WWOX: variants seen among roughly 807,000 people sequenced by gnomAD.
WWOX encodes the protein WW domain-containing oxidoreductase.
A neutral mutation model predicts 46.2 loss-of-function variants in WWOX; 69 were observed. That is an observed-to-expected ratio of 1.49 (90% CI 1.23 to 1.82). The LOEUF is 1.82. WWOX is among the 40% of genes most tolerant of loss of function. The pLI is 0.00. For missense variants in WWOX, 919 were observed against 542.6 expected (o/e 1.69, Z -6.89); for synonymous variants, 359 against 202.6 (o/e 1.77, Z -6.56).
intron 4 of WWOX, among the ~76,000 whole-genome samples, chr16:78,145,765 C>G (rs2034177807): frequency 6.6e-6 from 1 of 152,226 alleles, no homozygotes; most frequent in East Asian, 1.9e-4. Flanking sequence ...CCAGATTTCC[C>G]CTTTTCATAA....
rs1020558162 is a variant in WWOX at position 78,160,646 on chromosome 16, G to A, written c.410-3537G>A. On this transcript the variant is annotated intron_variant, in intron 4 of 8. Transcript: ENST00000566780. ...TTGATTTGTAATTTAATTCCATTGC[G>A]GTCAAAGAGCATACTTTCTAATTTT... Among the ~76,000 whole-genome samples the A allele has an allele frequency of 4.6e-5, 7 of 152,146 alleles. No homozygotes were observed. The East Asian group carries it at 5.8e-4, about 13-fold the overall frequency.
rs557575073 is a variant in WWOX, at chr16:79,052,008, C to G, written c.1057-159600C>G. Among the ~76,000 whole-genome samples, 7 of 151,110 alleles carry G rather than the reference C, an allele frequency of 4.6e-5. No homozygotes were observed. In the East Asian group the frequency reaches 1.4e-3, roughly 30 times the overall value. ...TTCGTCCTTCCTTTGTTCTCCTCTG[C>G]CTTTGCCTCTTTTTTCTTTTTTTAT... On this transcript the variant is annotated intron_variant, in intron 8 of 8. Coordinates refer to ENST00000566780, the MANE Select transcript of WWOX (RefSeq NM_016373.4).
chr16:78,662,398 G>A (rs1444797184), intron 8 of WWOX, among the ~76,000 whole-genome samples: 2 of 152,064 alleles, frequency 1.3e-5, no homozygotes, highest in East Asian at 1.9e-4. Context: ...CGTTTGTTCT[G>A]TTTCCCACTG....
intron 8 of WWOX, among the ~76,000 whole-genome samples, chr16:78,888,632 C>G (rs553569827): frequency 2.6e-5 from 4 of 152,224 alleles, no homozygotes; most frequent in African/African-American, 9.6e-5. Context: ...GCTGACCGAG[C>G]CAGAACTTAT....
At chr16:78,110,985 T>C (rs1028763633) in intron 3 of WWOX, among the ~76,000 whole-genome samples, 1 of 152,118 alleles carries the variant, frequency 6.6e-6, no homozygotes, top group African/African-American at 2.4e-5. Context: ...GGTTGGTTAA[T>C]AGAAGTTGAT....
chr16:78,969,394 C>T (rs1222822851), intron 8 of WWOX, among the ~76,000 whole-genome samples: 3 of 152,042 alleles, frequency 2.0e-5, no homozygotes, highest in African/African-American at 4.8e-5. Flanking sequence ...CTCAGCCTCC[C>T]GAGTAGCTGG....
chr16:78,589,246 T>C (rs1385442261), intron 8 of WWOX, among the ~76,000 whole-genome samples: 2 of 152,170 alleles, frequency 1.3e-5, no homozygotes, highest in East Asian at 1.9e-4. Flanking sequence ...GGGAGAAGGA[T>C]AGAGGAAAAG....
At chr16:78,542,553 G>A (rs1031873749) in intron 8 of WWOX, among the ~76,000 whole-genome samples, 4 of 152,190 alleles carry the variant, frequency 2.6e-5, no homozygotes, top group African/African-American at 9.7e-5. Flanking sequence ...AGAAGCCGAT[G>A]TGCAGAGGTG....
At chr16:78,232,866 G>A (rs1265936307) in intron 5 of WWOX, among the ~76,000 whole-genome samples, 1 of 145,762 alleles carries the variant, frequency 6.9e-6, no homozygotes, top group Non-Finnish European at 1.5e-5. Flanking sequence ...TTTTTAAGAT[G>A]GAGTCTCGCT....
intron 8 of WWOX, among the ~76,000 whole-genome samples, chr16:78,610,238 C>G (rs1044052493): frequency 1.3e-5 from 2 of 152,152 alleles, no homozygotes; most frequent in Admixed American, 1.3e-4. Flanking sequence ...CTTTTACCCT[C>G]CTTTTCATAA....
chr16:78,426,181 C>T (rs1211038443), intron 7 of WWOX, among the ~76,000 whole-genome samples: 2 of 152,204 alleles, frequency 1.3e-5, no homozygotes, highest in South Asian at 4.1e-4. Flanking sequence ...AAAATCTGGA[C>T]AGCCTTATCT....
chr16:78,595,836 A>G (rs573231184), intron 8 of WWOX, among the ~76,000 whole-genome samples: 1 of 152,378 alleles, frequency 6.6e-6, no homozygotes, highest in South Asian at 2.1e-4. Flanking sequence ...GAAATATGCA[A>G]TACCTTGTTG....
At chr16:79,006,812 C>G (rs562197807) in intron 8 of WWOX, among the ~76,000 whole-genome samples, 5 of 152,236 alleles carry the variant, frequency 3.3e-5, no homozygotes, top group Non-Finnish European at 5.9e-5. Flanking sequence ...CCAACAGCAC[C>G]TGGCTGAGTC....
chr16:79,156,172 G>C (rs947047663), intron 8 of WWOX, among the ~76,000 whole-genome samples: 1 of 152,028 alleles, frequency 6.6e-6, no homozygotes, highest in Admixed American at 6.6e-5. Flanking sequence ...GAGGTTGTTC[G>C]TTTCTTTGAG....
intron 8 of WWOX, among the ~76,000 whole-genome samples, chr16:79,059,821 C>A (rs536225568): frequency 1.4e-4 from 21 of 152,150 alleles, no homozygotes; most frequent in Non-Finnish European, 2.9e-4. Context: ...GACAACATTA[C>A]CCTCTTATTA....
rs561187340 is a variant in WWOX at position 78,944,438 on chromosome 16, G to A, written c.1057-267170G>A. On this transcript the variant is annotated intron_variant, in intron 8 of 8. Coordinates refer to ENST00000566780, the MANE Select transcript of WWOX (RefSeq NM_016373.4). Reference sequence around the variant, plus strand: ...GAGTCAAATTATAAACAGGTGATGGGGGCAAATATCACAATATGATACTCT... The same window carrying A: ...GAGTCAAATTATAAACAGGTGATGGAGGCAAATATCACAATATGATACTCT... Among the ~76,000 whole-genome samples, 5 of 152,210 alleles carry A rather than the reference G, an allele frequency of 3.3e-5. No individual in the cohort carries two copies. The East Asian group carries it at 9.6e-4, about 29-fold the overall frequency.
Position 78,408,612 on chromosome 16 carries a change from C to G in WWOX, c.606-16258C>G, listed in dbSNP as rs575658475. 1.1e-4 allele frequency among the ~76,000 whole-genome samples: 16 copies of G among 152,308 alleles called. No homozygotes were observed. The South Asian group carries it at 2.1e-3, about 20-fold the overall frequency. ...TTGATCTCCTGTCCTACGTAGCTAT[C>G]TATTGGTAAGAAGTTGAAGGAACTT... is the stretch of plus-strand genomic sequence containing the variant. On this transcript the variant is annotated intron_variant, in intron 6 of 8. Coordinates refer to ENST00000566780, the MANE Select transcript of WWOX (RefSeq NM_016373.4).
chr16:78,872,564 A>G (rs1489793697), intron 8 of WWOX, among the ~76,000 whole-genome samples: 1 of 152,140 alleles, frequency 6.6e-6, no homozygotes, highest in East Asian at 1.9e-4. Context: ...TCTTTGTTTT[A>G]AAAATAATTA....
At position 78,350,849 on chromosome 16, in the gene WWOX, G is replaced by C. The variant is rs1306139685; in HGVS notation, c.517-36011G>C. 1.7e-5 allele frequency among the ~76,000 whole-genome samples: 2 copies of C among 120,396 alleles called. 1 individual carries two copies. Among genetic ancestry groups the C allele is most frequent in the African/African-American group, 5.6e-5 (2 of 35,502 alleles). The allele number at this position is 120,396 out of a possible 152,430, so 79.0% of individuals were successfully genotyped here. ...ATTTCTGGATCACGTGGAACTCCTTGTTTAACCTTTTGAGGAGCCACCAGA... is the reference window on the plus strand; with the variant it reads ...ATTTCTGGATCACGTGGAACTCCTTCTTTAACCTTTTGAGGAGCCACCAGA... On this transcript the variant is annotated intron_variant, in intron 5 of 8. Transcript: ENST00000566780.
Sources: gnomAD v4.1 joint callset for allele counts (sites outside exome capture counted in the v4.1 genomes callset) on GRCh38, gnomAD v4.1.1 for gene constraint, MANE v1.5 for transcripts, NCBI Gene and HGNC (gene_info 2026-07-23, HGNC 2026-07-21) for gene names.